Variants in UBXN11 observed in about 807,000 individuals in gnomAD.
The protein encoded by UBXN11 is UBX domain-containing protein 11.
UBXN11 carries 47 observed loss-of-function variants against 62.8 expected under a neutral mutation model. The observed-to-expected ratio is 0.75, with a 90% CI of 0.59 to 0.95. The LOEUF (loss-of-function observed/expected upper bound fraction) is 0.95. Among genes scored for constraint, UBXN11 ranks in the 40% least tolerant of loss-of-function variants. The probability of loss-of-function intolerance (pLI) is 0.00; values close to 1 mark genes in which losing one functional copy is unlikely to be tolerated. For missense variants in UBXN11, 638 were observed against 661.7 expected, an observed-to-expected ratio of 0.96 and a Z score of 0.39; for synonymous variants, 294 against 267.0, an observed-to-expected ratio of 1.10 and a Z score of -0.99.
At chr1:26,302,726 CA>C (rs2073569193) in intron 2 of UBXN11, 86 bp downstream of exon 2, 4 of 1,431,216 alleles carry the variant, frequency 2.8e-6, no homozygotes, top group Admixed American at 2.0e-5. Flanking sequence ...TTCCCCAAGA[CA>C]CTAGGAGTCA....
intron 8 of UBXN11, among the ~76,000 whole-genome samples, chr1:26,293,996 C>CAGAG (rs1570106621): frequency 6.6e-6 from 1 of 152,178 alleles, no homozygotes; most frequent in East Asian, 1.9e-4. Context: ...GAGGTAGGAC[C>CAGAG]GTGGAGAAGT....
chr1:26,295,304 A>G (rs979607646), intron 7 of UBXN11, among the ~76,000 whole-genome samples: 1 of 151,880 alleles, frequency 6.6e-6, no homozygotes, highest in African/African-American at 2.4e-5. Context: ...ATCTGCTGCC[A>G]CCACCCTAGT....
At position 26,297,003 on chromosome 1, in the gene UBXN11, GAA is replaced by G. The variant is rs1003989377; in HGVS notation, c.356-10_356-9del. The G allele has an allele frequency of 3.8e-6, 6 of 1,597,056 alleles. No homozygotes were observed. In the African/African-American group the frequency reaches 8.0e-5, roughly 21 times the overall value. The stretch of plus-strand genomic sequence containing the variant: ...GCTGCAGGGTTGCCTCGGCTTCAGG[GAA>G]AGACAGGGACAGGCTTCAGCTGCCC... On this transcript the variant is annotated splice_polypyrimidine_tract_variant and intron_variant, in intron 6 of 14. Transcript: ENST00000374222.
At chr1:26,306,068 G>A (rs2073660226) in intron 1 of UBXN11, among the ~76,000 whole-genome samples, 1 of 152,224 alleles carries the variant, frequency 6.6e-6, no homozygotes, top group South Asian at 2.1e-4. Flanking sequence ...GACTCCTGAG[G>A]GCAGGGGCAT....
Position 26,292,361 on chromosome 1 carries a change from TAAAG to T in UBXN11, c.559+1840_559+1843del, listed in dbSNP as rs142552287. On this transcript the variant is annotated intron_variant, in intron 8 of 14. Coordinates refer to ENST00000374222, the MANE Select transcript of UBXN11 (RefSeq NM_001389556.1). ...AGCGAGACCTCGTCTCTACAAAAAA[TAAAG>T]AAAATCAGCTGGGTGTGGTGGCACG... Among the ~76,000 whole-genome samples the T allele has an allele frequency of 2.0e-3, 299 of 151,282 alleles. 1 individual carries two copies. Among genetic ancestry groups the T allele is most frequent in the African/African-American group, 6.9e-3 (282 of 41,140 alleles).
intron 8 of UBXN11, among the ~76,000 whole-genome samples, chr1:26,287,723 A>G (rs1222874717): frequency 1.3e-5 from 2 of 152,102 alleles, no homozygotes; most frequent in Non-Finnish European, 2.9e-5. Flanking sequence ...CTACCATTGA[A>G]GGGGCTATAC....
At chr1:26,301,551 G>C in intron 3 of UBXN11, 143 bp downstream of exon 3, 1 of 1,181,932 alleles carries the variant, frequency 8.5e-7, no homozygotes, top group Non-Finnish European at 1.2e-6. Flanking sequence ...AGGGAGGACA[G>C]CATGGGAGCT....
At chr1:26,283,016 C>T in intron 12 of UBXN11, 79 bp from the exon 13 acceptor site, 7 of 1,580,690 alleles carry the variant, frequency 4.4e-6, no homozygotes, top group Non-Finnish European at 6.1e-6. Context: ...GGGACACTTC[C>T]TTGACCAGGG....
chr1:26,285,270 G>C (rs1206551133), intron 10 of UBXN11, 194 bp downstream of exon 10: 1 of 1,355,892 alleles, frequency 7.4e-7, no homozygotes, highest in Non-Finnish European at 9.5e-7. Context: ...AGAGGGCGCT[G>C]CCTGCTGCTC....
intron 4 of UBXN11, among the ~76,000 whole-genome samples, chr1:26,298,951 T>C (rs2073461731): frequency 6.6e-6 from 1 of 152,030 alleles, no homozygotes; most frequent in South Asian, 2.1e-4. Flanking sequence ...GCAGGTTCAG[T>C]GGAAAGATGG....
At chr1:26,301,105 C>T (rs547409336) in intron 3 of UBXN11, 81 bp from the exon 4 acceptor site, 5 of 1,606,698 alleles carry the variant, frequency 3.1e-6, no homozygotes, top group Middle Eastern at 1.6e-4. Flanking sequence ...GCCAGTGTGA[C>T]GCGGCCTATG....
chr1:26,284,048 T>C, intron 12 of UBXN11, 94 bp downstream of exon 12: 1 of 1,317,630 alleles, frequency 7.6e-7, no homozygotes, highest in Non-Finnish European at 1.0e-6. Flanking sequence ...GCCTCAAGCT[T>C]GAGCCTTCTG....
At chr1:26,293,531 G>T (rs2073321044) in intron 8 of UBXN11, among the ~76,000 whole-genome samples, 1 of 151,946 alleles carries the variant, frequency 6.6e-6, no homozygotes, top group African/African-American at 2.4e-5. Flanking sequence ...TTCAAGACCA[G>T]CCTGGCCAAC....
In UBXN11 at chr1:26,282,322, CAGGACAGGGACTGG is replaced by C; in HGVS notation, c.1526_1539del (p.Pro509ArgfsTer?). On this transcript the variant is annotated frameshift_variant, in exon 15 of 15. Transcript: ENST00000374222. LOFTEE classifies it high-confidence loss of function. The stretch of plus-strand genomic sequence containing the variant: ...CTTTATTGGGGGCTGGGACTGGGTC[CAGGACAGGGACTGG>C]GGCCGGGACCGGGACCGGGACTGGG... 1 of 775,964 alleles carries C rather than the reference CAGGACAGGGACTGG, an allele frequency of 1.3e-6. No homozygotes were observed. The highest frequency in any genetic ancestry group is 1.7e-6 in the Non-Finnish European group (1 of 601,664). The allele number at this position is 775,964 out of a possible 1,614,324, so 48.1% of individuals were successfully genotyped here. A position where few individuals can be genotyped will look rare whatever the true frequency, so the allele number is the denominator to read the frequency against.
chr1:26,291,678 T>C (rs966111450), intron 8 of UBXN11, among the ~76,000 whole-genome samples: 1 of 152,180 alleles, frequency 6.6e-6, no homozygotes, highest in African/African-American at 2.4e-5. Flanking sequence ...GGTGCGGCAC[T>C]TGTGGGCCTC....
chr1:26,294,120 A>G, intron 8 of UBXN11, 85 bp downstream of exon 8: 1 of 1,563,522 alleles, frequency 6.4e-7, no homozygotes, highest in East Asian at 2.3e-5. Context: ...CACGAATGAG[A>G]TAGGCCTCTG....
intron 1 of UBXN11, among the ~76,000 whole-genome samples, chr1:26,314,300 C>T (rs949137768): frequency 7.9e-5 from 12 of 152,258 alleles, no homozygotes; most frequent in African/African-American, 2.2e-4. Context: ...TCTCACTCCC[C>T]GTGGTCCAAC....
At chr1:26,290,480 C>A (rs937190162) in intron 8 of UBXN11, among the ~76,000 whole-genome samples, 4 of 152,156 alleles carry the variant, frequency 2.6e-5, no homozygotes, top group African/African-American at 9.7e-5. Context: ...GTTGGATTTG[C>A]CCTGAGCTTC....
chr1:26,285,367 A>G (rs1158665589), intron 10 of UBXN11, 97 bp downstream of exon 10: 2 of 1,549,096 alleles, frequency 1.3e-6, no homozygotes, highest in Admixed American at 3.9e-5. Context: ...CAGGGAGTGC[A>G]GCGGCTTCCC....
Sources: allele counts gnomAD v4.1 joint callset (sites outside exome capture counted in the v4.1 genomes callset), GRCh38; gene constraint gnomAD v4.1.1; transcripts MANE v1.5; gene names NCBI Gene and HGNC (gene_info 2026-07-23, HGNC 2026-07-21).